The following CEBPZOS variants were observed in gnomAD, a reference collection of about 807,000 sequenced individuals.
CEBPZOS encodes CEBPZ opposite strand.
A neutral mutation model predicts 4.8 loss-of-function variants in CEBPZOS; 10 were observed. That is an observed-to-expected ratio of 2.07 (90% CI 1.28 to 3.52). CEBPZOS has a LOEUF of 3.52. Among genes scored for constraint, CEBPZOS ranks in the 30% most tolerant of loss-of-function variants. CEBPZOS has a pLI of 0.00. For missense variants in CEBPZOS, 98 were observed against 43.6 expected (o/e 2.25, Z -3.51); for synonymous variants, 25 against 14.2 (o/e 1.77, Z -1.72).
chr2:37,214,965 A>G, downstream of CEBPZOS: 1 of 1,567,474 alleles, frequency 6.4e-7, no homozygotes, highest in East Asian at 2.2e-5. Context: ...ACAAAAATAA[A>G]TTTAAACATT....
chr2:37,204,157 A>G lies in CEBPZOS; in HGVS notation c.*2297A>G, dbSNP rs566043933. On this transcript the variant is annotated 3_prime_UTR_variant, in exon 5 of 5. Transcript: ENST00000402297. ...GGTTTTATTCATCCTGTAGTGATGT[A>G]TCTGTGACCTCAACGAGTAGGCACT... 2.0e-5 allele frequency: 3 copies of G among 152,144 alleles called. No individual in the cohort carries two copies. The East Asian group carries it at 5.8e-4, about 29-fold the overall frequency. 9.4% of individuals were successfully genotyped at this position (152,144 alleles called of 1,614,324 possible).
chr2:37,207,050 GACAAAGAGGGACATTACATACTAGTAA>G (rs1352399528), downstream of CEBPZOS, among the ~76,000 whole-genome samples: 2 of 152,096 alleles, frequency 1.3e-5, no homozygotes, highest in South Asian at 2.1e-4. Context: ...AGTTAAAAAA[GACAAAGAGGGACATTACATACTAGTAA>G]AATGATTAGT....
downstream of CEBPZOS, among the ~76,000 whole-genome samples, chr2:37,215,842 G>A (rs960876059): frequency 4.0e-5 from 6 of 151,840 alleles, no homozygotes; most frequent in Non-Finnish European, 8.8e-5. Context: ...ATGAAGCTAC[G>A]GATGATAAAA....
chr2:37,198,493 G>C (rs1297344771), intron 1 of CEBPZOS: 1 of 152,142 alleles, frequency 6.6e-6, no homozygotes, highest in Non-Finnish European at 1.5e-5. Flanking sequence ...CCCACCCTCA[G>C]GCATTGAAAA....
chr2:37,214,232 C>A (rs145865092), downstream of CEBPZOS, among the ~76,000 whole-genome samples: 940 of 152,222 alleles, frequency 6.2e-3, 8 homozygotes, highest in Non-Finnish European at 9.3e-3. Context: ...TAGCCATTTA[C>A]AGATGTAATC....
In CEBPZOS at chr2:37,199,710, C is replaced by G; in HGVS notation, c.6C>G (p.Ala2=). The G allele has an allele frequency of 1.4e-6, 1 of 717,188 alleles. No homozygotes were observed. The highest frequency in any genetic ancestry group is 2.6e-6 in the Non-Finnish European group (1 of 384,952). The allele number at this position is 717,188 out of a possible 1,614,324, so 44.4% of individuals were successfully genotyped here. A position where few individuals can be genotyped will look rare whatever the true frequency, so the allele number is the denominator to read the frequency against. ...TATCTGTTGTTAAATTTAGGATGGC[C>G]CGTACTTTGGAACCACTAGCAAAGA... M[A]RTLEPLAKKI... is the part of the protein sequence containing the mutation. Residue 2 remains alanine (A), a synonymous_variant, in exon 2 of 5, where the codon GCC becomes GCG. Coordinates refer to ENST00000402297, the MANE Select transcript of CEBPZOS (RefSeq NM_001322374.2).
At chr2:37,216,118 A>G, downstream of CEBPZOS, 1 of 1,553,136 alleles carries the variant, frequency 6.4e-7, no homozygotes, top group Non-Finnish European at 8.8e-7. Context: ...TTCAGTTTCA[A>G]CTGTCTAAGG....
intron 1 of CEBPZOS, 47 bp from the exon 2 acceptor site, chr2:37,199,656 GT>G (rs1235793655): frequency 2.9e-6 from 2 of 697,108 alleles, no homozygotes; most frequent in Non-Finnish European, 5.3e-6. Context: ...GATAATAGTA[GT>G]TTAAGTATGT....
At position 37,202,187 on chromosome 2, in the gene CEBPZOS, A is replaced by C; in HGVS notation, c.*327A>C. On this transcript the variant is annotated 3_prime_UTR_variant, in exon 5 of 5. Coordinates refer to ENST00000402297, the MANE Select transcript of CEBPZOS (RefSeq NM_001322374.2). Reference sequence around the variant, plus strand: ...GAAATAAAAACCAGTAACAATCAATATGTAAAAACGGCCCACTTCCCTAAA... The same window carrying C: ...GAAATAAAAACCAGTAACAATCAATCTGTAAAAACGGCCCACTTCCCTAAA... 6 of 217,628 alleles carry C rather than the reference A, an allele frequency of 2.8e-5. No individual in the cohort carries two copies. Among genetic ancestry groups the C allele is most frequent in the Non-Finnish European group, 3.6e-5 (4 of 112,104 alleles). 13.5% of individuals were successfully genotyped at this position (217,628 alleles called of 1,614,324 possible). A position where few individuals can be genotyped will look rare whatever the true frequency, so the allele number is the denominator to read the frequency against.
chr2:37,214,487 A>G (rs1229550671), downstream of CEBPZOS, among the ~76,000 whole-genome samples: 1 of 152,112 alleles, frequency 6.6e-6, no homozygotes, highest in East Asian at 1.9e-4. Flanking sequence ...AATCTATATT[A>G]AAGGTAGATT....
rs889062893 is a variant in CEBPZOS, at chr2:37,202,472, C to T, written c.*612C>T. 1 of 196,798 alleles carries T rather than the reference C, an allele frequency of 5.1e-6. No individual in the cohort carries two copies. The highest frequency in any genetic ancestry group is 1.0e-5 in the Non-Finnish European group (1 of 95,738). The allele number at this position is 196,798 out of a possible 1,614,324, so 12.2% of individuals were successfully genotyped here. On this transcript the variant is annotated 3_prime_UTR_variant, in exon 5 of 5. Coordinates refer to ENST00000402297, the MANE Select transcript of CEBPZOS (RefSeq NM_001322374.2). ...CCAGCCTGGCCAACATGGTGAAACCCTGTTTCTACTAAAAATACAAAAATT... is the reference window on the plus strand; with the variant it reads ...CCAGCCTGGCCAACATGGTGAAACCTTGTTTCTACTAAAAATACAAAAATT...
At chr2:37,207,072 T>C (rs1414499884), downstream of CEBPZOS, among the ~76,000 whole-genome samples, 1 of 152,148 alleles carries the variant, frequency 6.6e-6, no homozygotes, top group Non-Finnish European at 1.5e-5. Flanking sequence ...CATTACATAC[T>C]AGTAAAATGA....
rs56340587 is a variant in CEBPZOS at position 37,202,644 on chromosome 2, CAAAAAAAAAAAAAAAAAAAAAAAAAAAA to C, written c.*805_*832del. The C allele has an allele frequency of 3.0e-3, 616 of 207,376 alleles. 3 individuals are homozygous for C. Among genetic ancestry groups the C allele is most frequent in the Middle Eastern group, 0.012 (8 of 662 alleles). 12.8% of individuals were successfully genotyped at this position (207,376 alleles called of 1,614,324 possible). ...TGGGCAAGGGAGTGAGACGCTGTCT[CAAAAAAAAAAAAAAAAAAAAAAAAAAAA>C]AAAAAAAAAAAAAAAAAAAAGAATA... On this transcript the variant is annotated 3_prime_UTR_variant, in exon 5 of 5. Coordinates refer to ENST00000402297, the MANE Select transcript of CEBPZOS (RefSeq NM_001322374.2).
chr2:37,208,326 C>T (rs764854411), downstream of CEBPZOS, among the ~76,000 whole-genome samples: 2 of 151,970 alleles, frequency 1.3e-5, no homozygotes, highest in Non-Finnish European at 2.9e-5. Flanking sequence ...ATTCCAAAAT[C>T]AGGAAATGAC....
downstream of CEBPZOS, among the ~76,000 whole-genome samples, chr2:37,206,549 G>A (rs919732509): frequency 6.6e-6 from 1 of 152,056 alleles, no homozygotes; most frequent in Non-Finnish European, 1.5e-5. Context: ...GTAGAGATAG[G>A]GTTTTGCCAT....
Position 37,201,096 on chromosome 2 carries a change from T to A in CEBPZOS, c.160+4T>A, listed in dbSNP as rs546523216. 1 of 714,642 alleles carries A rather than the reference T, an allele frequency of 1.4e-6. No individual in the cohort carries two copies. The highest frequency in any genetic ancestry group is 1.7e-5 in the African/African-American group (1 of 57,172). 44.3% of individuals were successfully genotyped at this position (714,642 alleles called of 1,614,324 possible). ...AAATATCCCTTCATCTTGGAAGGTA[T>A]GTTTTTCCTTAAGTAAAAATAAGTA... On this transcript the variant is annotated splice_donor_region_variant and intron_variant, in intron 3 of 4. Coordinates refer to ENST00000402297, the MANE Select transcript of CEBPZOS (RefSeq NM_001322374.2).
rs532915869 is a variant in CEBPZOS, at chr2:37,211,926, A to G, written c.*3-1511A>G. 1.6e-5 allele frequency: 26 copies of G among 1,613,670 alleles called. No homozygotes were observed. The East Asian group carries it at 4.2e-4, about 26-fold the overall frequency. On this transcript the variant is annotated intron_variant, in intron 4 of 4. Coordinates refer to the CEBPZOS transcript ENST00000397064. ...AACTTCAGCAAATTCTTCATCATCC[A>G]TACTTCCTAAAGAAACTTCATCGTC...
chr2:37,216,065 C>T (rs1677859048), downstream of CEBPZOS: 1 of 1,102,134 alleles, frequency 9.1e-7, no homozygotes, highest in African/African-American at 1.6e-5. Flanking sequence ...TAAATTAGAA[C>T]AAAGAATAAT....
At position 37,201,097 on chromosome 2, in the gene CEBPZOS, GT is replaced by G; in HGVS notation, c.160+10del. On this transcript the variant is annotated splice_donor_region_variant and intron_variant, in intron 3 of 4. Coordinates refer to ENST00000402297, the MANE Select transcript of CEBPZOS (RefSeq NM_001322374.2). ...AATATCCCTTCATCTTGGAAGGTAT[GT>G]TTTTCCTTAAGTAAAAATAAGTATA... 1.4e-6 allele frequency: 1 copy of G among 714,178 alleles called. No homozygotes were observed. Among genetic ancestry groups the G allele is most frequent in the East Asian group, 2.7e-5 (1 of 37,184 alleles). The allele number at this position is 714,178 out of a possible 1,614,324, so 44.2% of individuals were successfully genotyped here. A position where few individuals can be genotyped will look rare whatever the true frequency, so the allele number is the denominator to read the frequency against.
Sources: allele counts gnomAD v4.1 joint callset (sites outside exome capture counted in the v4.1 genomes callset), GRCh38; gene constraint gnomAD v4.1.1; transcripts MANE v1.5; gene names NCBI Gene and HGNC (gene_info 2026-07-23, HGNC 2026-07-21).